DNAH10: variants seen among roughly 807,000 people sequenced by gnomAD.
DNAH10 encodes axonemal beta dynein heavy chain 10.
In DNAH10, 348 loss-of-function variants were observed where a neutral mutation model predicts 506.6. That is an observed-to-expected ratio of 0.69 (90% CI 0.63 to 0.75). The LOEUF is 0.75. Ranked by LOEUF, DNAH10 falls within the 30% of genes least tolerant of loss-of-function variation. The probability of loss-of-function intolerance (pLI) is 0.00; values close to 1 mark genes in which losing one functional copy is unlikely to be tolerated. For missense variants in DNAH10, 5,179 were observed against 5,787.1 expected, an observed-to-expected ratio of 0.89 and a Z score of 3.41; for synonymous variants, 2,059 against 2,198.6, an observed-to-expected ratio of 0.94 and a Z score of 1.78.
At chr12:123,786,531 G>A (rs1957859446) in intron 9 of DNAH10, among the ~76,000 whole-genome samples, 1 of 151,756 alleles carries the variant, frequency 6.6e-6, no homozygotes, top group Non-Finnish European at 1.5e-5. Context: ...GACACTATGT[G>A]ACTTTTATCA....
chr12:123,800,457 A>C, intron 15 of DNAH10, 69 bp downstream of exon 15: 1 of 1,386,720 alleles, frequency 7.2e-7, no homozygotes, highest in Non-Finnish European at 9.9e-7. Context: ...GCTCTTAAAA[A>C]TTATTGAGGA....
intron 52 of DNAH10, 47 bp downstream of exon 52, chr12:123,887,360 C>G: frequency 6.4e-7 from 1 of 1,573,762 alleles, no homozygotes; most frequent in Non-Finnish European, 8.6e-7. Context: ...CCGCTCAGCT[C>G]TTAAGGGAGT....
chr12:123,803,672 T>C lies in DNAH10; in HGVS notation c.2626T>C (p.Tyr876His). ...TTCTTTCTTCAAAGGTATCGGTGAC[T>C]ATATAACTGGTTGCAAACAGGCCAT... ...LNWNSLGIGD[Y>H]ITGCKQAIGK... is the part of the protein sequence containing the mutation. Residue 876 changes from tyrosine (Y) to histidine (H), a missense_variant, in exon 17 of 79, where the codon TAT becomes CAT. Physicochemically the swap from Tyr to His is moderately conservative, Grantham distance 83. Transcript: ENST00000673944. The C allele has an allele frequency of 6.3e-7, 1 of 1,599,664 alleles. No homozygotes were observed.
At position 123,861,101 on chromosome 12, in the gene DNAH10, A is replaced by C. The variant is rs1951593991; in HGVS notation, c.6839A>C (p.Asp2280Ala). The change falls in exon 39 of 79, where the codon GAC becomes GCC. Residue 2280 changes from aspartate (D) to alanine (A), a missense_variant. By Grantham distance (126) the Asp-to-Ala change is moderately radical (BLOSUM62 -2). Around this residue, in one of 3 missense-constraint regions of DNAH10, gnomAD observed 4,844 missense variants for 5,430.5 expected, o/e 0.89. Coordinates refer to ENST00000673944, the MANE Select transcript of DNAH10 (RefSeq NM_001372106.1). ...LYGILDPTTR[D>A]WTDGVLSNIF... ...GGCATCCTGGACCCAACCACCCGAG[A>C]CTGGACAGATGGGGTGTTGTCAAAC... 1 of 1,613,990 alleles carries C rather than the reference A, an allele frequency of 6.2e-7. No individual in the cohort carries two copies. Among genetic ancestry groups the C allele is most frequent in the Non-Finnish European group, 8.5e-7 (1 of 1,179,892 alleles).
chr12:123,908,002 G>A (rs938049743), intron 57 of DNAH10, among the ~76,000 whole-genome samples: 2 of 152,056 alleles, frequency 1.3e-5, no homozygotes, highest in South Asian at 4.2e-4. Context: ...TGAGGGTTCC[G>A]GGGTCAGGAG....
chr12:123,841,306 C>G lies in DNAH10; in HGVS notation c.5137-16C>G. ...CTCCGTGCAGGTCTTACAGGGCTGC[C>G]TCTCCCTGTTTGCAGATGTACGACA... On this transcript the variant is annotated splice_polypyrimidine_tract_variant and intron_variant, in intron 29 of 78. Coordinates refer to ENST00000673944, the MANE Select transcript of DNAH10 (RefSeq NM_001372106.1). 6.2e-7 allele frequency: 1 copy of G among 1,612,612 alleles called. No individual in the cohort carries two copies. The highest frequency in any genetic ancestry group is 1.7e-5 in the Admixed American group (1 of 60,016).
rs1320829597 is a variant in DNAH10, at chr12:123,783,937, C to T, written c.1000-10C>T. On this transcript the variant is annotated splice_polypyrimidine_tract_variant and intron_variant, in intron 7 of 78. Coordinates refer to ENST00000673944, the MANE Select transcript of DNAH10 (RefSeq NM_001372106.1). ...ATGAGAGTTCTTTGTGTGTTCATTT[C>T]ACCTCTCAGGGTAAAGGCCCTCTGG... is the stretch of plus-strand genomic sequence containing the variant. 2 of 1,611,414 alleles carry T rather than the reference C, an allele frequency of 1.2e-6. No individual in the cohort carries two copies. The highest frequency in any genetic ancestry group is 2.7e-5 in the African/African-American group (2 of 74,850).
At position 123,835,264 on chromosome 12, in the gene DNAH10, G is replaced by A. The variant is rs1383970725; in HGVS notation, c.4780-142G>A. On this transcript the variant is annotated intron_variant, in intron 27 of 78. Transcript: ENST00000673944. ...GGAGTGGAGGGGAGCTGGCCATGCA[G>A]ATGCTCACTCTGTCACCTTGCCTGG... 8.1e-6 allele frequency: 7 copies of A among 859,868 alleles called. No homozygotes were observed. In the East Asian group the frequency reaches 1.9e-4, roughly 24 times the overall value. The allele number at this position is 859,868 out of a possible 1,614,324, so 53.3% of individuals were successfully genotyped here. A position where few individuals can be genotyped will look rare whatever the true frequency, so the allele number is the denominator to read the frequency against.
chr12:123,803,638 T>C (rs1958552843), intron 16 of DNAH10, 23 bp from the exon 17 acceptor site: 2 of 1,497,606 alleles, frequency 1.3e-6, no homozygotes, highest in South Asian at 2.7e-5. Context: ...GCCAAATGTC[T>C]TTCTTTCTTT....
chr12:123,850,896 G>A lies in DNAH10; in HGVS notation c.6111G>A (p.Gly2037=). 1.2e-6 allele frequency: 2 copies of A among 1,609,910 alleles called. No individual in the cohort carries two copies. The highest frequency in any genetic ancestry group is 8.5e-7 in the Non-Finnish European group (1 of 1,177,170). The change falls in exon 35 of 79, where the codon GGG becomes GGA. Residue 2037 remains glycine, a synonymous_variant. Coordinates refer to ENST00000673944, the MANE Select transcript of DNAH10 (RefSeq NM_001372106.1). The surrounding 1 kb of genome is among the most constrained non-coding windows in gnomAD (Gnocchi z 5.5). ...TCCTTCTTGCCCTCCAGTTTGAAGG[G>A]CAGGAGATTTCCCTGGACTCCCGCA... is the stretch of plus-strand genomic sequence containing the variant. ...IHQLTTFQFE[G]QEISLDSRMG...
chr12:123,922,487 CT>C (rs1954773434), intron 65 of DNAH10, among the ~76,000 whole-genome samples: 1 of 152,190 alleles, frequency 6.6e-6, no homozygotes, highest in South Asian at 2.1e-4. Flanking sequence ...ACTCGTGTCC[CT>C]TTCCAGTCCT....
In DNAH10 at chr12:123,924,426, G is replaced by C; in HGVS notation, c.11760G>C (p.Trp3920Cys). The change falls in exon 67 of 79, where the codon TGG (tryptophan) becomes TGC (cysteine). Residue 3920 changes from tryptophan to cysteine, a missense_variant. Trp to Cys is a radical substitution (Grantham distance 215). Coordinates refer to ENST00000673944, the MANE Select transcript of DNAH10 (RefSeq NM_001372106.1). ...ATGTTGAGAATAATCAGACTGTCTG[G>C]CAGGAGGTGAGCCCACGTTCCCTTT... ...PDDVENNQTV[W>C]QEWYDLDSLE... The C allele has an allele frequency of 6.2e-7, 1 of 1,611,578 alleles. No individual in the cohort carries two copies. The highest frequency in any genetic ancestry group is 8.5e-7 in the Non-Finnish European group (1 of 1,178,086).
chr12:123,811,328 T>G (rs1036320905), intron 19 of DNAH10, among the ~76,000 whole-genome samples: 1 of 141,892 alleles, frequency 7.0e-6, no homozygotes, highest in Non-Finnish European at 1.5e-5. Context: ...TAGTATTACT[T>G]TTTTTTTTTT....
intron 5 of DNAH10, among the ~76,000 whole-genome samples, chr12:123,775,765 G>A (rs1209831192): frequency 6.6e-6 from 1 of 152,128 alleles, no homozygotes; most frequent in Non-Finnish European, 1.5e-5. Flanking sequence ...GGGGTGGAGG[G>A]GAAGGAAAGA....
chr12:123,870,244 G>A (rs1951973601), intron 43 of DNAH10, 122 bp from the exon 44 acceptor site: 1 of 1,293,098 alleles, frequency 7.7e-7, no homozygotes, highest in African/African-American at 1.5e-5. Flanking sequence ...GAGCAGCATT[G>A]AAGTACTCAC....
In DNAH10 at chr12:123,928,476, TCTGGAGAAGTCC is replaced by T. The variant is rs767774000; in HGVS notation, c.12203_12214del (p.Lys4068_Glu4071del). Reference sequence around the variant, plus strand: ...ACCTCCTGGTCAAGTGGCTGAAAGATCTGGAGAAGTCCCTGGAGAGGATCACCAAGCCCCACC... The same window carrying T: ...ACCTCCTGGTCAAGTGGCTGAAAGATCTGGAGAGGATCACCAAGCCCCACC... On this transcript the variant is annotated inframe_deletion, in exon 70 of 79. Coordinates refer to ENST00000673944, the MANE Select transcript of DNAH10 (RefSeq NM_001372106.1). This position sits in a 1 kb window ranked among gnomAD's most constrained non-coding sequence, Gnocchi z 4.9. The T allele has an allele frequency of 1.2e-6, 2 of 1,610,668 alleles. No homozygotes were observed. The highest frequency in any genetic ancestry group is 8.5e-7 in the Non-Finnish European group (1 of 1,178,702).
At position 123,929,442 on chromosome 12, in the gene DNAH10, T is replaced by C; in HGVS notation, c.12474T>C (p.Ile4158=). 6.2e-7 allele frequency: 1 copy of C among 1,613,770 alleles called. No homozygotes were observed. The highest frequency in any genetic ancestry group is 8.5e-7 in the Non-Finnish European group (1 of 1,179,842). The change falls in exon 71 of 79, where the codon ATT becomes ATC. Residue 4158 remains isoleucine (I), a synonymous_variant. Transcript: ENST00000673944. ...VVQERRKFGK[I]GWNVYYDFNE... ...AGGAGAGAAGGAAGTTTGGGAAGAT[T>C]GGCTGGAACGTGTACTATGACTTCA...
chr12:123,765,832 T>C (rs1383632907), intron 1 of DNAH10, among the ~76,000 whole-genome samples: 1 of 146,582 alleles, frequency 6.8e-6, no homozygotes, highest in Non-Finnish European at 1.5e-5. Flanking sequence ...TCTATCTCTA[T>C]CTATATATCT....
At chr12:123,927,001 C>T (rs529644629) in intron 69 of DNAH10, 181 bp downstream of exon 69, 2 of 677,700 alleles carry the variant, frequency 3.0e-6, no homozygotes, top group Admixed American at 3.0e-5. Context: ...ATTTCACAAC[C>T]TCATGTTGTG....
Sources: gnomAD v4.1 joint callset for allele counts (sites outside exome capture counted in the v4.1 genomes callset) on GRCh38, gnomAD v4.1.1 for gene constraint, gnomAD v4.1.1 regional missense constraint, Gnocchi (gnomAD v3.1) non-coding constraint, MANE v1.5 for transcripts, NCBI Gene and HGNC (gene_info 2026-07-23, HGNC 2026-07-21) for gene names.